Variants in ATF6 observed in about 807,000 individuals in gnomAD.
The protein encoded by ATF6 is activating transcription factor 6, also known as cyclic AMP-dependent transcription factor ATF-6 alpha.
A neutral mutation model predicts 83.6 loss-of-function variants in ATF6; 53 were observed. That is an observed-to-expected ratio of 0.63 (90% CI 0.51 to 0.80). ATF6 has a LOEUF of 0.80. ATF6 is among the 30% of genes least tolerant of loss of function. The pLI is 0.00. For missense variants in ATF6, 744 were observed against 797.9 expected (o/e 0.93, Z 0.81); for synonymous variants, 288 against 285.8 (o/e 1.01, Z -0.08).
At position 161,860,261 on chromosome 1, in the gene ATF6, A is replaced by G; in HGVS notation, c.1588A>G (p.Thr530Ala). The G allele has an allele frequency of 3.1e-6, 5 of 1,602,190 alleles. No individual in the cohort carries two copies. The highest frequency in any genetic ancestry group is 4.3e-6 in the Non-Finnish European group (5 of 1,173,542). The change falls in exon 13 of 16, where the codon ACC becomes GCC. Residue 530 changes from threonine (T) to alanine (A), a missense_variant. By Grantham distance (58) the Thr-to-Ala change is moderately conservative. Transcript: ENST00000367942. ...SQLMAVQYTE[T>A]TSSISRNSGS... ...GCTGATGGCTGTTCAATACACAGAAACCACTAGTAGTATCAGGTAAGACAG... is the reference window on the plus strand; with the variant it reads ...GCTGATGGCTGTTCAATACACAGAAGCCACTAGTAGTATCAGGTAAGACAG...
At chr1:161,783,938 A>G (rs558372478) in intron 3 of ATF6, 52 bp from the exon 4 acceptor site, 1 of 1,267,650 alleles carries the variant, frequency 7.9e-7, no homozygotes, top group South Asian at 1.3e-5. Flanking sequence ...TGTTCATTTT[A>G]TTATAAGTTT....
At chr1:161,900,513 T>C (rs950582948) in intron 14 of ATF6, among the ~76,000 whole-genome samples, 1 of 152,164 alleles carries the variant, frequency 6.6e-6, no homozygotes, top group Non-Finnish European at 1.5e-5. Context: ...ATTTAAACTC[T>C]ACATCATTAT....
chr1:161,898,083 G>A (rs150651881), intron 14 of ATF6, among the ~76,000 whole-genome samples: 2,329 of 152,098 alleles, frequency 0.015, 175 homozygotes, highest in Admixed American at 0.12. Context: ...TTATTGATTC[G>A]TCATCTGGTT....
Position 161,958,938 on chromosome 1 carries a change from T to C in ATF6, c.*284T>C, listed in dbSNP as rs751064103. 3.6e-6 allele frequency: 1 copy of C among 276,640 alleles called. No individual in the cohort carries two copies. The highest frequency in any genetic ancestry group is 6.8e-6 in the Non-Finnish European group (1 of 146,960). 17.1% of individuals were successfully genotyped at this position (276,640 alleles called of 1,614,324 possible). A position where few individuals can be genotyped will look rare whatever the true frequency, so the allele number is the denominator to read the frequency against. On this transcript the variant is annotated 3_prime_UTR_variant, in exon 16 of 16. Transcript: ENST00000367942. ...GGTGTAGATTTTTTTTTCTGTACCT[T>C]TCTAAACCTCTCTTCCCTCTGTGAT...
At chr1:161,899,232 C>T (rs1393597993) in intron 14 of ATF6, among the ~76,000 whole-genome samples, 3 of 152,186 alleles carry the variant, frequency 2.0e-5, no homozygotes, top group Non-Finnish European at 4.4e-5. Context: ...AGGCAGTTCT[C>T]CTTCAGTATT....
intron 7 of ATF6, among the ~76,000 whole-genome samples, chr1:161,811,225 A>G (rs1201533057): frequency 6.6e-6 from 1 of 152,246 alleles, no homozygotes. Flanking sequence ...GAAAGTATCA[A>G]TGGCTGTGTA....
intron 14 of ATF6, among the ~76,000 whole-genome samples, chr1:161,876,118 C>T (rs1352940261): frequency 6.6e-6 from 1 of 151,902 alleles, no homozygotes; most frequent in Non-Finnish European, 1.5e-5. Context: ...TTATTCAACA[C>T]TGAATATTTC....
At chr1:161,873,659 T>C (rs1454631882) in intron 14 of ATF6, among the ~76,000 whole-genome samples, 1 of 151,610 alleles carries the variant, frequency 6.6e-6, no homozygotes, top group Admixed American at 6.6e-5. Context: ...AAGATCTCAT[T>C]ATGGGTAGGC....
chr1:161,958,306 G>A, intron 15 of ATF6, 140 bp from the exon 16 acceptor site: 1 of 729,130 alleles, frequency 1.4e-6, no homozygotes, highest in Non-Finnish European at 2.1e-6. Context: ...CTTACTGACT[G>A]AGAGTCCCTC....
At chr1:161,863,471 T>A (rs1015892629) in intron 14 of ATF6, 159 bp downstream of exon 14, 2 of 516,520 alleles carry the variant, frequency 3.9e-6, no homozygotes, top group Non-Finnish European at 7.0e-6. Context: ...AATATATGCT[T>A]TACTTTGAGC....
intron 7 of ATF6, among the ~76,000 whole-genome samples, chr1:161,812,023 C>T (rs968903333): frequency 4.6e-5 from 7 of 152,138 alleles, no homozygotes; most frequent in African/African-American, 1.7e-4. Context: ...ATTATTTATT[C>T]CCATTTTACT....
intron 14 of ATF6, among the ~76,000 whole-genome samples, chr1:161,903,141 A>T (rs1386772937): frequency 6.6e-6 from 1 of 152,168 alleles, no homozygotes; most frequent in Non-Finnish European, 1.5e-5. Flanking sequence ...ACACACAATT[A>T]ATCAGCACTT....
chr1:161,917,666 C>G (rs1346863075), intron 15 of ATF6, among the ~76,000 whole-genome samples: 3 of 152,082 alleles, frequency 2.0e-5, no homozygotes, highest in Non-Finnish European at 4.4e-5. Context: ...GTGATCCGCC[C>G]ACCTCGGCCT....
chr1:161,893,337 T>G (rs1415455686), intron 14 of ATF6, among the ~76,000 whole-genome samples: 1 of 151,884 alleles, frequency 6.6e-6, no homozygotes, highest in Non-Finnish European at 1.5e-5. Context: ...CAGCTAATTT[T>G]GTATTTTTAG....
intron 9 of ATF6, among the ~76,000 whole-genome samples, chr1:161,843,568 A>AAACTCTTTGAGCTTCAATT (rs1686407603): frequency 1.3e-5 from 2 of 152,204 alleles, no homozygotes; most frequent in Admixed American, 1.3e-4. Flanking sequence ...CAAACTGTTT[A>AAACTCTTTGAGCTTCAATT]AACTCTTTGA....
Position 161,791,076 on chromosome 1 carries a change from GTGTGTGTCTC to G in ATF6, c.355-324_355-315del, listed in dbSNP as rs1220338607. ...CCAAGTTTTATATGTGTGTGTGTGT[GTGTGTGTCTC>G]TGTGTGTGTGTGTGTGTCTCTGTGT... On this transcript the variant is annotated intron_variant, in intron 4 of 15. Transcript: ENST00000367942. 8.1e-5 allele frequency among the ~76,000 whole-genome samples: 7 copies of G among 86,666 alleles called. No individual in the cohort carries two copies. The African/African-American group carries it at 1.0e-3, about 13-fold the overall frequency. 56.9% of individuals were successfully genotyped at this position (86,666 alleles called of 152,430 possible).
intron 15 of ATF6, among the ~76,000 whole-genome samples, chr1:161,920,694 C>CT (rs1198936249): frequency 6.6e-6 from 1 of 151,824 alleles, no homozygotes; most frequent in African/African-American, 2.4e-5. Context: ...TTAAGAGTGG[C>CT]TAAGGCCGAG....
At chr1:161,797,436 A>G (rs879469282) in intron 6 of ATF6, among the ~76,000 whole-genome samples, 1 of 152,220 alleles carries the variant, frequency 6.6e-6, no homozygotes, top group Admixed American at 6.5e-5. Context: ...GTCTCAGCCC[A>G]AGACTCCTAG....
At chr1:161,917,858 A>G (rs112289794) in intron 15 of ATF6, among the ~76,000 whole-genome samples, 1,894 of 152,234 alleles carry the variant, frequency 0.012, 14 homozygotes, top group South Asian at 0.018. Flanking sequence ...AGCAATTTGG[A>G]TTTCAGATTT....
Sources: gnomAD v4.1 joint callset for allele counts (sites outside exome capture counted in the v4.1 genomes callset) on GRCh38, gnomAD v4.1.1 for gene constraint, MANE v1.5 for transcripts, NCBI Gene and HGNC (gene_info 2026-07-23, HGNC 2026-07-21) for gene names.